WWOX: variants seen among roughly 807,000 people sequenced by gnomAD.
WWOX encodes WW domain containing oxidoreductase.
In WWOX, 69 loss-of-function variants were observed where a neutral mutation model predicts 46.2. The observed-to-expected ratio is 1.49, with a 90% CI of 1.23 to 1.82. WWOX has a LOEUF of 1.82. Ranked by LOEUF, WWOX falls within the 40% of genes most tolerant of loss-of-function variation. The probability of loss-of-function intolerance (pLI) is 0.00; values close to 1 mark genes in which losing one functional copy is unlikely to be tolerated. For synonymous variants in WWOX, 359 were observed against 202.6 expected, an observed-to-expected ratio of 1.77 and a Z score of -6.56; for missense variants, 919 against 542.6, an observed-to-expected ratio of 1.69 and a Z score of -6.89.
intron 8 of WWOX, among the ~76,000 whole-genome samples, chr16:78,447,612 A>G (rs1250139703): frequency 6.6e-6 from 1 of 152,194 alleles, no homozygotes; most frequent in Non-Finnish European, 1.5e-5. Context: ...TAATGACAAC[A>G]AAAATTAGTC....
intron 8 of WWOX, among the ~76,000 whole-genome samples, chr16:79,139,339 G>T (rs2050043652): frequency 6.6e-6 from 1 of 152,164 alleles, no homozygotes; most frequent in South Asian, 2.1e-4. Context: ...TGCCCCGTTG[G>T]CATGTGGGGA....
intron 8 of WWOX, among the ~76,000 whole-genome samples, chr16:78,996,697 A>C (rs2046996893): frequency 6.6e-6 from 1 of 152,162 alleles, no homozygotes; most frequent in Admixed American, 6.5e-5. Flanking sequence ...AAATATGGCC[A>C]GGTACAGTGA....
intron 5 of WWOX, among the ~76,000 whole-genome samples, chr16:78,341,782 C>A (rs1259267362): frequency 8.3e-6 from 1 of 120,218 alleles, no homozygotes; most frequent in Non-Finnish European, 2.0e-5. Context: ...ATAGATGAGT[C>A]CCTATTGGGT....
chr16:78,837,341 C>G (rs558778606), intron 8 of WWOX, among the ~76,000 whole-genome samples: 1 of 152,316 alleles, frequency 6.6e-6, no homozygotes, highest in Admixed American at 6.5e-5. Flanking sequence ...CCTTTATTCC[C>G]TAACCCTCAC....
chr16:78,822,918 C>T (rs2051543165), intron 8 of WWOX, among the ~76,000 whole-genome samples: 1 of 145,654 alleles, frequency 6.9e-6, no homozygotes, highest in South Asian at 2.2e-4. Context: ...TTGATAAAGC[C>T]AAAAAACTAA....
intron 8 of WWOX, among the ~76,000 whole-genome samples, chr16:79,008,538 T>G (rs1168970751): frequency 1.3e-5 from 2 of 152,302 alleles, no homozygotes; most frequent in African/African-American, 4.8e-5. Context: ...GGGGGCCATC[T>G]TGAATCCTGA....
intron 8 of WWOX, among the ~76,000 whole-genome samples, chr16:78,730,132 G>C (rs1222539123): frequency 6.6e-6 from 1 of 152,112 alleles, no homozygotes; most frequent in Non-Finnish European, 1.5e-5. Context: ...CTTAGCTTTA[G>C]GGAATGAAAC....
intron 8 of WWOX, among the ~76,000 whole-genome samples, chr16:78,984,273 G>T (rs76614343): frequency 0.026 from 3,952 of 152,208 alleles, 178 homozygotes; most frequent in African/African-American, 0.09. Flanking sequence ...ATATGGCAGA[G>T]CTTGGAATTC....
intron 8 of WWOX, among the ~76,000 whole-genome samples, chr16:78,504,224 C>G (rs2151478640): frequency 6.6e-6 from 1 of 152,272 alleles, no homozygotes; most frequent in South Asian, 2.1e-4. Flanking sequence ...CATGTATTCT[C>G]TAGGATATAT....
At chr16:78,867,941 A>T (rs137987420) in intron 8 of WWOX, among the ~76,000 whole-genome samples, 1 of 152,320 alleles carries the variant, frequency 6.6e-6, no homozygotes, top group Non-Finnish European at 1.5e-5. Context: ...GCTGGTGGGA[A>T]TGTAAAATGG....
At chr16:78,684,492 A>C (rs2047809521) in intron 8 of WWOX, among the ~76,000 whole-genome samples, 1 of 152,052 alleles carries the variant, frequency 6.6e-6, no homozygotes. Flanking sequence ...CACCCCACCC[A>C]TTTGCAGTTC....
rs559313658 is a variant in WWOX at position 78,637,664 on chromosome 16, T to C, written c.1056+204912T>C. Among the ~76,000 whole-genome samples the C allele has an allele frequency of 3.3e-5, 5 of 152,314 alleles. No homozygotes were observed. The South Asian group carries it at 1.0e-3, about 32-fold the overall frequency. ...GGGCTGGAGACGTTGTTTTCCTGTA[T>C]GCTCCTTGATGAAGGGCTCAGAGCT... On this transcript the variant is annotated intron_variant, in intron 8 of 8. Coordinates refer to ENST00000566780, the MANE Select transcript of WWOX (RefSeq NM_016373.4).
At chr16:78,760,947 C>G (rs1440326731) in intron 8 of WWOX, among the ~76,000 whole-genome samples, 2 of 152,174 alleles carry the variant, frequency 1.3e-5, no homozygotes, top group African/African-American at 4.8e-5. Flanking sequence ...TGCAGGGAAA[C>G]TCCGCTTTAT....
At chr16:78,308,893 C>T (rs1041742079) in intron 5 of WWOX, among the ~76,000 whole-genome samples, 2 of 152,118 alleles carry the variant, frequency 1.3e-5, no homozygotes, top group Non-Finnish European at 2.9e-5. Flanking sequence ...TACGGTTTGG[C>T]CGCATCGCCA....
intron 8 of WWOX, among the ~76,000 whole-genome samples, chr16:78,979,862 C>G (rs891554605): frequency 1.3e-5 from 2 of 152,180 alleles, no homozygotes; most frequent in African/African-American, 2.4e-5. Context: ...GGTGCAGTGG[C>G]TCACGTCTAT....
chr16:78,412,170 C>T (rs558146420), intron 6 of WWOX, among the ~76,000 whole-genome samples: 2 of 152,252 alleles, frequency 1.3e-5, no homozygotes, highest in Admixed American at 1.3e-4. Flanking sequence ...TGACATTGAC[C>T]AGTCATGGAG....
chr16:78,250,509 C>T (rs566674440), intron 5 of WWOX, among the ~76,000 whole-genome samples: 13 of 152,110 alleles, frequency 8.5e-5, no homozygotes, highest in African/African-American at 2.9e-4. Flanking sequence ...ATTGTAAGGA[C>T]TGCTTATTGG....
chr16:78,494,396 C>G (rs373163597), intron 8 of WWOX, among the ~76,000 whole-genome samples: 4 of 152,260 alleles, frequency 2.6e-5, no homozygotes, highest in East Asian at 1.9e-4. Context: ...AAGTTGGCAA[C>G]CAGAGGCTTA....
At chr16:79,154,783 T>A (rs960036009) in intron 8 of WWOX, among the ~76,000 whole-genome samples, 1 of 152,192 alleles carries the variant, frequency 6.6e-6, no homozygotes, top group Non-Finnish European at 1.5e-5. Context: ...ATAACCATTT[T>A]TTAGGTCCTC....
Sources: allele counts gnomAD v4.1 joint callset (sites outside exome capture counted in the v4.1 genomes callset), GRCh38; gene constraint gnomAD v4.1.1; transcripts MANE v1.5; gene names NCBI Gene and HGNC (gene_info 2026-07-23, HGNC 2026-07-21).